THSD7A: variants seen among roughly 807,000 people sequenced by gnomAD.
THSD7A encodes the protein thrombospondin type 1 domain containing 7A.
Under a neutral mutation model 231.3 loss-of-function variants are expected in THSD7A, and 96 were observed. That is an observed-to-expected ratio of 0.41 (90% CI 0.35 to 0.49). The LOEUF is 0.49. Ranked by LOEUF, THSD7A falls within the 20% of genes least tolerant of loss-of-function variation. THSD7A has a pLI of 0.05. For synonymous variants in THSD7A, 940 were observed against 743.3 expected (o/e 1.26, Z -4.30); for missense variants, 2,290 against 2,070.2 (o/e 1.11, Z -2.06).
intron 4 of THSD7A, among the ~76,000 whole-genome samples, chr7:11,588,791 T>C (rs997223899): frequency 3.9e-5 from 6 of 152,204 alleles, no homozygotes; most frequent in African/African-American, 1.4e-4. Flanking sequence ...ATAAATCTAC[T>C]TAAGAGTGTT....
At chr7:11,510,625 C>A (rs527826614) in intron 6 of THSD7A, among the ~76,000 whole-genome samples, 1 of 152,108 alleles carries the variant, frequency 6.6e-6, no homozygotes, top group African/African-American at 2.4e-5. Flanking sequence ...TCAACATACA[C>A]GAATCAATAA....
intron 6 of THSD7A, among the ~76,000 whole-genome samples, chr7:11,535,797 A>C (rs1033898366): frequency 6.6e-6 from 1 of 152,182 alleles, no homozygotes; most frequent in Non-Finnish European, 1.5e-5. Flanking sequence ...TTGTGCTCTC[A>C]TCTAGTTCCA....
intron 23 of THSD7A, among the ~76,000 whole-genome samples, chr7:11,393,638 T>G (rs1783070285): frequency 6.6e-6 from 1 of 152,200 alleles, no homozygotes; most frequent in South Asian, 2.1e-4. Context: ...GATGAATTGC[T>G]AACAAGAATA....
At chr7:11,728,727 A>T (rs1376737479) in intron 1 of THSD7A, among the ~76,000 whole-genome samples, 2 of 151,918 alleles carry the variant, frequency 1.3e-5, no homozygotes, top group African/African-American at 2.4e-5. Flanking sequence ...TATTATATAT[A>T]CCAAGTAGAC....
intron 1 of THSD7A, among the ~76,000 whole-genome samples, chr7:11,763,656 A>T (rs1285019387): frequency 1.3e-5 from 2 of 152,152 alleles, no homozygotes; most frequent in Non-Finnish European, 2.9e-5. Context: ...GTAAGAAATT[A>T]GGTTAGTTTT....
At chr7:11,407,964 T>A (rs1270281144) in intron 19 of THSD7A, among the ~76,000 whole-genome samples, 2 of 151,096 alleles carry the variant, frequency 1.3e-5, no homozygotes, top group African/African-American at 2.4e-5. Flanking sequence ...GTCACCAAAG[T>A]TTTTTTTTGA....
At chr7:11,614,002 C>A (rs568314061) in intron 2 of THSD7A, among the ~76,000 whole-genome samples, 1 of 152,256 alleles carries the variant, frequency 6.6e-6, no homozygotes, top group African/African-American at 2.4e-5. Context: ...CATAACCCAT[C>A]ATCCAGGAGT....
At chr7:11,405,152 A>AT (rs67149392) in intron 22 of THSD7A, among the ~76,000 whole-genome samples, 51,477 of 145,388 alleles carry the variant, frequency 0.35, 9,250 homozygotes, top group South Asian at 0.46. Flanking sequence ...ATCTCAAATG[A>AT]TTTTTTTTTT....
At chr7:11,554,914 G>C (rs1051916530) in intron 4 of THSD7A, among the ~76,000 whole-genome samples, 2 of 151,770 alleles carry the variant, frequency 1.3e-5, no homozygotes, top group African/African-American at 4.8e-5. Context: ...GTATTCCATG[G>C]CTATCCTTTT....
At chr7:11,616,900 G>T (rs899100907) in intron 2 of THSD7A, among the ~76,000 whole-genome samples, 5 of 152,076 alleles carry the variant, frequency 3.3e-5, no homozygotes, top group Admixed American at 1.3e-4. Flanking sequence ...TGATTTTATT[G>T]TGTACAGAAT....
intron 4 of THSD7A, among the ~76,000 whole-genome samples, chr7:11,564,256 G>T (rs984123746): frequency 1.3e-5 from 2 of 152,142 alleles, no homozygotes; most frequent in Non-Finnish European, 2.9e-5. Flanking sequence ...CCAATTATGG[G>T]TGTCGAAAAC....
chr7:11,382,162 C>G (rs1782541829), intron 24 of THSD7A, among the ~76,000 whole-genome samples: 1 of 152,092 alleles, frequency 6.6e-6, no homozygotes, highest in Non-Finnish European at 1.5e-5. Context: ...CTTCAAGGCA[C>G]AGAAGCAGAA....
Position 11,593,011 on chromosome 7 carries a change from A to G in THSD7A, c.1271+243T>C, listed in dbSNP as rs184452359. Among the ~76,000 whole-genome samples, 350 of 152,300 alleles carry G rather than the reference A, an allele frequency of 2.3e-3. 3 individuals carry two copies. The highest frequency in any genetic ancestry group is 8.2e-3 in the African/African-American group (342 of 41,554). On this transcript the variant is annotated intron_variant, in intron 3 of 27. Transcript: ENST00000423059. ...GTTTTAACTATCTACCCCTTTACAGAAAAATTTTGGCAACTCCTATTATAG... is the reference window on the plus strand; with the variant it reads ...GTTTTAACTATCTACCCCTTTACAGGAAAATTTTGGCAACTCCTATTATAG...
intron 6 of THSD7A, among the ~76,000 whole-genome samples, chr7:11,489,164 T>A (rs781415030): frequency 6.6e-6 from 1 of 152,104 alleles, no homozygotes; most frequent in Non-Finnish European, 1.5e-5. Flanking sequence ...TATTTTAGAG[T>A]TTCACAGTAA....
intron 1 of THSD7A, among the ~76,000 whole-genome samples, chr7:11,697,399 G>A (rs3857704): frequency 0.36 from 54,775 of 151,030 alleles, 10,107 homozygotes; most frequent in Non-Finnish European, 0.4. Flanking sequence ...ATGCTTTTAT[G>A]TGGTTTCATA....
chr7:11,821,176 G>C, intron 1 of THSD7A: 4 of 1,142,446 alleles, frequency 3.5e-6, no homozygotes, highest in Non-Finnish European at 5.3e-6. Flanking sequence ...CATTCCTGAG[G>C]ACCCAAAGTG....
At chr7:11,679,188 G>A (rs1041795051) in intron 1 of THSD7A, among the ~76,000 whole-genome samples, 2 of 152,156 alleles carry the variant, frequency 1.3e-5, no homozygotes, top group African/African-American at 4.8e-5. Flanking sequence ...AGGTGTTGAT[G>A]TAACATATCT....
intron 4 of THSD7A, among the ~76,000 whole-genome samples, chr7:11,565,084 A>G (rs370096115): frequency 3.2e-4 from 49 of 152,262 alleles, no homozygotes; most frequent in African/African-American, 9.9e-4. Context: ...AATAGTGTAC[A>G]TAGAACTCAT....
intron 1 of THSD7A, among the ~76,000 whole-genome samples, chr7:11,766,262 A>G (rs535709809): frequency 1.3e-5 from 2 of 152,210 alleles, no homozygotes; most frequent in Non-Finnish European, 2.9e-5. Context: ...AACAAGAAGA[A>G]AGGCCAGCAT....
Sources: allele counts gnomAD v4.1 joint callset (sites outside exome capture counted in the v4.1 genomes callset), GRCh38; gene constraint gnomAD v4.1.1; transcripts MANE v1.5; gene names NCBI Gene and HGNC (gene_info 2026-07-23, HGNC 2026-07-21).